Variants in DCAF8L2 observed in about 807,000 individuals in gnomAD.
DCAF8L2 encodes DDB1 and CUL4 associated factor 8 like 2.
For synonymous variants in DCAF8L2, 200 were observed against 190.9 expected (o/e 1.05, Z -0.39); for missense variants, 430 against 490.7 (o/e 0.88, Z 1.17).
rs1307159884 is a variant in DCAF8L2, at chrX:27,693,978, G to A, written c.-143+16066G>A. 2.7e-5 allele frequency among the ~76,000 whole-genome samples: 3 copies of A among 111,946 alleles called. No individual in the cohort carries two copies. In the Admixed American group the frequency reaches 2.9e-4, roughly 11 times the overall value. ...TCAACCTAGATGCCCATCAATGGTG[G>A]ATTGGATAAAGAAAATGTGGTACAT... On this transcript the variant is annotated intron_variant, in intron 3 of 4. Coordinates refer to ENST00000451261, the MANE Select transcript of DCAF8L2 (RefSeq NM_001353450.2).
chrX:27,517,168 A>G, the DCAF8L2 span, among the ~76,000 whole-genome samples: 1 of 112,185 alleles, frequency 8.9e-6, no homozygotes, highest in African/African-American at 3.2e-5. Context: ...CACCAGCTGT[A>G]CATACATTAT....
At chrX:27,589,738 A>T (rs944968554), upstream of DCAF8L2, among the ~76,000 whole-genome samples, 1 of 112,282 alleles carries the variant, frequency 8.9e-6, no homozygotes, top group Non-Finnish European at 1.9e-5. Flanking sequence ...GACAGAAATG[A>T]AAGTATTTTA....
the DCAF8L2 span, chrX:27,519,825 C>A: frequency 2.8e-6 from 1 of 356,173 alleles, no homozygotes; most frequent in Non-Finnish European, 4.9e-6. Context: ...ATCATGTCAT[C>A]TATAAATTTC....
rs750649421 is a variant in DCAF8L2, at chrX:27,743,698, ATTATTTATTTATTTAT to A, written c.-58-3105_-58-3090del. Among the ~76,000 whole-genome samples the A allele has an allele frequency of 7.1e-3, 619 of 86,777 alleles. 5 individuals are homozygous for A. Among genetic ancestry groups the A allele is most frequent in the Middle Eastern group, 0.02 (3 of 151 alleles). The allele number at this position is 86,777 out of a possible 115,157, so 75.4% of individuals were successfully genotyped here. On this transcript the variant is annotated intron_variant, in intron 4 of 4. Transcript: ENST00000451261. The stretch of plus-strand genomic sequence containing the variant: ...GCATGAGCCACCATGCCTGGCTTTT[ATTATTTATTTATTTAT>A]TTATTTATTTATTTATTTATTTATT...
rs922686905 is a variant in DCAF8L2, at chrX:27,716,157, T to G, written c.-73T>G. 1.8e-5 allele frequency: 2 copies of G among 111,913 alleles called. No homozygotes were observed. The highest frequency in any genetic ancestry group is 1.9e-4 in the Admixed American group (2 of 10,523). The allele number at this position is 111,913 out of a possible 1,213,427, so 9.2% of individuals were successfully genotyped here. A position where few individuals can be genotyped will look rare whatever the true frequency, so the allele number is the denominator to read the frequency against. On this transcript the variant is annotated 5_prime_UTR_variant, in exon 4 of 5. Transcript: ENST00000451261. ...GTGGAATCAGTGGGGAAATCTCTAA[T>G]TGCTACTGACACAGGTGAGTGGCAT...
At chrX:27,518,631 C>T in the DCAF8L2 span, among the ~76,000 whole-genome samples, 1 of 110,617 alleles carries the variant, frequency 9.0e-6, no homozygotes, top group Non-Finnish European at 1.9e-5. Flanking sequence ...CCCAGCTACT[C>T]AGGAGGCTTA....
chrX:27,579,823 A>G, the DCAF8L2 span, among the ~76,000 whole-genome samples: 1 of 110,171 alleles, frequency 9.1e-6, no homozygotes, highest in Non-Finnish European at 1.9e-5. Flanking sequence ...ACAGAGCCAG[A>G]TGTAGAGATT....
chrX:27,546,982 C>A, the DCAF8L2 span, among the ~76,000 whole-genome samples: 4 of 112,350 alleles, frequency 3.6e-5, no homozygotes, highest in Non-Finnish European at 7.5e-5. Context: ...TGAATTTCTC[C>A]CCAGAAAATG....
chrX:27,590,367 C>T lies in DCAF8L2; in HGVS notation c.-415C>T, dbSNP rs1926012828. The T allele has an allele frequency of 9.0e-6, 1 of 111,526 alleles. No homozygotes were observed. 9.2% of individuals were successfully genotyped at this position (111,526 alleles called of 1,213,427 possible). A position where few individuals can be genotyped will look rare whatever the true frequency, so the allele number is the denominator to read the frequency against. Reference sequence around the variant, plus strand: ...CTGTGGAGTCGCAAAAGCTGAACATCCTCCCCACAAGGTTATTTAGAAGAC... The same window carrying T: ...CTGTGGAGTCGCAAAAGCTGAACATTCTCCCCACAAGGTTATTTAGAAGAC... On this transcript the variant is annotated 5_prime_UTR_variant, in exon 1 of 5. Coordinates refer to ENST00000451261, the MANE Select transcript of DCAF8L2 (RefSeq NM_001353450.2).
chrX:27,575,212 G>A, the DCAF8L2 span, among the ~76,000 whole-genome samples: 5 of 111,222 alleles, frequency 4.5e-5, no homozygotes, highest in East Asian at 1.4e-3. Context: ...AGCATCTGTC[G>A]TTGTGCTTTT....
chrX:27,557,333 G>T, the DCAF8L2 span, among the ~76,000 whole-genome samples: 219 of 111,965 alleles, frequency 2.0e-3, 2 homozygotes, highest in Middle Eastern at 9.4e-3. Context: ...AAATTGAAAT[G>T]TTTAGCTTGG....
chrX:27,540,071 C>T, the DCAF8L2 span, among the ~76,000 whole-genome samples: 1 of 110,919 alleles, frequency 9.0e-6, no homozygotes, highest in Non-Finnish European at 1.9e-5. Flanking sequence ...CGCTGTTTCA[C>T]TTGTTTGTGT....
chrX:27,552,559 T>C, the DCAF8L2 span, among the ~76,000 whole-genome samples: 1 of 112,210 alleles, frequency 8.9e-6, no homozygotes, highest in Non-Finnish European at 1.9e-5. Context: ...AACTATCTTT[T>C]CCCCAATGTG....
chrX:27,528,350 T>C, the DCAF8L2 span, among the ~76,000 whole-genome samples: 1 of 107,009 alleles, frequency 9.3e-6, no homozygotes, highest in East Asian at 2.9e-4. Flanking sequence ...TTAAACATCA[T>C]AGTATTCTGA....
chrX:27,738,578 T>C (rs1296623028), intron 4 of DCAF8L2, among the ~76,000 whole-genome samples: 1 of 112,309 alleles, frequency 8.9e-6, no homozygotes, highest in Admixed American at 9.4e-5. Flanking sequence ...CAAAAGAATT[T>C]GGAATTTACT....
chrX:27,650,806 T>C (rs1186765802), intron 2 of DCAF8L2, among the ~76,000 whole-genome samples: 1 of 108,587 alleles, frequency 9.2e-6, no homozygotes. Flanking sequence ...TGACTGATTG[T>C]TCTGTCAAGG....
chrX:27,534,333 T>C, the DCAF8L2 span, among the ~76,000 whole-genome samples: 1 of 112,388 alleles, frequency 8.9e-6, no homozygotes, highest in African/African-American at 3.2e-5. Context: ...AGAAGCATCA[T>C]AACTGCAACT....
intron 1 of DCAF8L2, among the ~76,000 whole-genome samples, chrX:27,601,335 G>A (rs1020612756): frequency 4.6e-4 from 52 of 112,205 alleles, no homozygotes; most frequent in African/African-American, 1.7e-3. Flanking sequence ...CACATATGTA[G>A]GAACGATATT....
At chrX:27,688,355 G>T (rs1234176688) in intron 3 of DCAF8L2, among the ~76,000 whole-genome samples, 1 of 111,865 alleles carries the variant, frequency 8.9e-6, no homozygotes, top group African/African-American at 3.2e-5. Context: ...ACCTAAGCAA[G>T]TCAAGGGAAA....
Sources: allele counts gnomAD v4.1 joint callset (sites outside exome capture counted in the v4.1 genomes callset), GRCh38; gene constraint gnomAD v4.1.1; transcripts MANE v1.5; gene names NCBI Gene and HGNC (gene_info 2026-07-23, HGNC 2026-07-21).